The following RANBP10 variants were observed in gnomAD, a reference collection of about 807,000 sequenced individuals.
RANBP10 encodes RAN binding protein 10.
In RANBP10, 24 loss-of-function variants were observed where a neutral mutation model predicts 72.8. The observed-to-expected ratio is 0.33, with a 90% CI of 0.24 to 0.46. The LOEUF is 0.46. RANBP10 is among the 20% of genes least tolerant of loss of function. The probability of loss-of-function intolerance (pLI) is 1.00; values close to 1 mark genes in which losing one functional copy is unlikely to be tolerated. For missense variants in RANBP10, 679 were observed against 817.5 expected, an observed-to-expected ratio of 0.83 and a Z score of 2.07; for synonymous variants, 310 against 322.3, an observed-to-expected ratio of 0.96 and a Z score of 0.41.
chr16:67,729,655 C>A lies in RANBP10; in HGVS notation c.1147+25G>T, dbSNP rs778042594. 3 of 1,594,306 alleles carry A rather than the reference C, an allele frequency of 1.9e-6. No homozygotes were observed. Among genetic ancestry groups the A allele is most frequent in the Admixed American group, 3.4e-5 (2 of 58,496 alleles). On this transcript the variant is annotated intron_variant, in intron 9 of 13. Coordinates refer to ENST00000317506, the MANE Select transcript of RANBP10 (RefSeq NM_020850.3). The surrounding 1 kb of genome is among the most constrained non-coding windows in gnomAD (Gnocchi z 7.1). Reference sequence around the variant, plus strand: ...CTCTCTCCTCCACACCAGTTCTTCCCAGAGCCCTCTGGAGAGTGGCTGACC... The same window carrying A: ...CTCTCTCCTCCACACCAGTTCTTCCAAGAGCCCTCTGGAGAGTGGCTGACC...
intron 2 of RANBP10, among the ~76,000 whole-genome samples, chr16:67,777,348 A>G (rs1313903393): frequency 1.3e-5 from 2 of 152,084 alleles, no homozygotes. Context: ...CATCCTGACT[A>G]ACATGGTAAA....
At chr16:67,735,138 C>T in intron 5 of RANBP10, 96 bp from the exon 6 acceptor site, 2 of 1,259,546 alleles carry the variant, frequency 1.6e-6, no homozygotes, top group Non-Finnish European at 2.2e-6. Context: ...CATGCTTGGG[C>T]TGGGAGAGTT....
In RANBP10 at chr16:67,729,719, G is replaced by C; in HGVS notation, c.1108C>G (p.Pro370Ala). The C allele has an allele frequency of 6.2e-7, 1 of 1,614,022 alleles. No individual in the cohort carries two copies. Among genetic ancestry groups the C allele is most frequent in the Non-Finnish European group, 8.5e-7 (1 of 1,179,970 alleles). The change falls in exon 9 of 14, where the codon CCC becomes GCC. Residue 370 changes from proline (P) to alanine (A), a missense_variant. By Grantham distance (27) the Pro-to-Ala change is conservative. Coordinates refer to ENST00000317506, the MANE Select transcript of RANBP10 (RefSeq NM_020850.3). The surrounding 1 kb of genome is among the most constrained non-coding windows in gnomAD (Gnocchi z 7.1). ...DSYPGSPSLS[P>A]RHGPSSSHMH... is the part of the protein sequence containing the mutation. Reference sequence around the variant, plus strand: ...TGGGAACTACTGGGGCCATGTCGGGGACTGAGGCTGGGGGAGCCAGGGTAG... The same window carrying C: ...TGGGAACTACTGGGGCCATGTCGGGCACTGAGGCTGGGGGAGCCAGGGTAG...
chr16:67,727,092 C>T (rs1475319124), intron 13 of RANBP10, among the ~76,000 whole-genome samples: 1 of 152,164 alleles, frequency 6.6e-6, no homozygotes, highest in Non-Finnish European at 1.5e-5. Flanking sequence ...GCCAGGAGTT[C>T]GAGACCAACC....
intron 2 of RANBP10, among the ~76,000 whole-genome samples, chr16:67,802,649 T>C (rs55661503): frequency 6.6e-6 from 1 of 151,958 alleles, no homozygotes; most frequent in African/African-American, 2.4e-5. Flanking sequence ...ATAAATAAAT[T>C]AATTAATTAA....
chr16:67,728,365 T>C (rs2053651127), intron 11 of RANBP10, 25 bp downstream of exon 11: 7 of 1,611,338 alleles, frequency 4.3e-6, no homozygotes, highest in Non-Finnish European at 5.1e-6. Context: ...CCTCAAAGAA[T>C]AGCACACCGG....
At chr16:67,749,363 G>A (rs1039052245) in intron 3 of RANBP10, among the ~76,000 whole-genome samples, 6 of 152,194 alleles carry the variant, frequency 3.9e-5, no homozygotes, top group Non-Finnish European at 8.8e-5. Context: ...GGCCAAGACT[G>A]AACGGCTCTC....
At chr16:67,767,380 C>G (rs2054522432) in intron 3 of RANBP10, among the ~76,000 whole-genome samples, 1 of 145,402 alleles carries the variant, frequency 6.9e-6, no homozygotes, top group African/African-American at 2.6e-5. Flanking sequence ...TCATTTGAGC[C>G]TATGAATTCA....
At chr16:67,765,621 G>A (rs1319782881) in intron 3 of RANBP10, among the ~76,000 whole-genome samples, 1 of 152,110 alleles carries the variant, frequency 6.6e-6, no homozygotes, top group African/African-American at 2.4e-5. Context: ...CGGATCACGA[G>A]GTCAGGAGAT....
intron 5 of RANBP10, 77 bp downstream of exon 5, chr16:67,737,936 A>G: frequency 6.7e-7 from 1 of 1,496,830 alleles, no homozygotes; most frequent in Non-Finnish European, 9.1e-7. Flanking sequence ...CACACCCTGC[A>G]CTTGCAGGTA....
chr16:67,791,049 TG>T (rs1433327409), intron 2 of RANBP10, among the ~76,000 whole-genome samples: 1 of 150,972 alleles, frequency 6.6e-6, no homozygotes, highest in African/African-American at 2.4e-5. Context: ...AGTCTCGCTC[TG>T]TCGCCCAGGC....
intron 2 of RANBP10, among the ~76,000 whole-genome samples, chr16:67,785,727 A>G (rs2054904188): frequency 7.0e-6 from 1 of 142,624 alleles, no homozygotes; most frequent in Non-Finnish European, 1.5e-5. Flanking sequence ...GTGAGACTCC[A>G]TCTCAAAAAA....
intron 3 of RANBP10, among the ~76,000 whole-genome samples, chr16:67,767,652 T>C (rs1396534571): frequency 6.6e-6 from 1 of 151,584 alleles, no homozygotes; most frequent in East Asian, 2.0e-4. Flanking sequence ...GCTGGAGTGC[T>C]AGGGCGCTAC....
chr16:67,800,522 G>A (rs1285117653), intron 2 of RANBP10, among the ~76,000 whole-genome samples: 2 of 152,168 alleles, frequency 1.3e-5, no homozygotes, highest in African/African-American at 4.8e-5. Context: ...AACTCTGCCT[G>A]CAGACATTGC....
intron 2 of RANBP10, among the ~76,000 whole-genome samples, chr16:67,804,956 C>A (rs1473143977): frequency 6.6e-6 from 1 of 152,092 alleles, no homozygotes; most frequent in Non-Finnish European, 1.5e-5. Context: ...TGCTGTTTAC[C>A]CTGAGATGAC....
chr16:67,766,882 G>C (rs1332576158), intron 3 of RANBP10, among the ~76,000 whole-genome samples: 1 of 152,172 alleles, frequency 6.6e-6, no homozygotes, highest in Non-Finnish European at 1.5e-5. Flanking sequence ...CCTTCCCAGG[G>C]AGAAGTGGTA....
At chr16:67,734,757 C>T in intron 6 of RANBP10, 101 bp downstream of exon 6, 1 of 1,233,346 alleles carries the variant, frequency 8.1e-7, no homozygotes, top group South Asian at 1.8e-5. Context: ...AAGGATCCAC[C>T]CGCTGGAATT....
At chr16:67,748,057 C>T (rs2054121745) in intron 3 of RANBP10, among the ~76,000 whole-genome samples, 1 of 149,968 alleles carries the variant, frequency 6.7e-6, no homozygotes, top group South Asian at 2.1e-4. Flanking sequence ...GATCTCCTGA[C>T]CTCACGATCC....
In RANBP10 at chr16:67,802,752, C is replaced by T. The variant is rs913301075; in HGVS notation, c.347+2676G>A. ...CACCTTTCTTTAGACTTCCAGTCAA[C>T]ACCTATAGTTCACCAATCTAACATG... On this transcript the variant is annotated intron_variant, in intron 2 of 13. Transcript: ENST00000317506. Among the ~76,000 whole-genome samples the T allele has an allele frequency of 1.6e-4, 25 of 152,312 alleles. 1 individual carries two copies. The highest frequency in any genetic ancestry group is 6.8e-3 in the Middle Eastern group (2 of 294).
Sources: allele counts gnomAD v4.1 joint callset (sites outside exome capture counted in the v4.1 genomes callset), GRCh38; gene constraint gnomAD v4.1.1; non-coding constraint Gnocchi (gnomAD v3.1); transcripts MANE v1.5; gene names NCBI Gene and HGNC (gene_info 2026-07-23, HGNC 2026-07-21).